The following ARHGEF33 variants were observed in gnomAD, a reference collection of about 807,000 sequenced individuals.
ARHGEF33 encodes Rho guanine nucleotide exchange factor 33, also known as DH and coiled-coil domain-containing protein ENSP00000381780.
In ARHGEF33, 72 loss-of-function variants were observed where a neutral mutation model predicts 101.9. The ratio of observed to expected loss-of-function variants is 0.71; its 90% CI spans 0.58 to 0.86. ARHGEF33 has a LOEUF of 0.86. Ranked by LOEUF, ARHGEF33 falls within the 40% of genes least tolerant of loss-of-function variation. The pLI, the probability that ARHGEF33 is intolerant of heterozygous loss-of-function variation, is 0.00. For missense variants in ARHGEF33, 1,169 were observed against 1,111.3 expected (o/e 1.05, Z -0.74); for synonymous variants, 499 against 442.5 (o/e 1.13, Z -1.60).
intron 2 of ARHGEF33, among the ~76,000 whole-genome samples, chr2:38,910,756 G>T (rs1666491680): frequency 6.6e-6 from 1 of 151,942 alleles, no homozygotes. Flanking sequence ...TTTCTTCCTT[G>T]TATCAGTCCA....
chr2:38,898,344 A>G (rs982799298), intron 2 of ARHGEF33, among the ~76,000 whole-genome samples: 17 of 152,228 alleles, frequency 1.1e-4, no homozygotes, highest in African/African-American at 3.9e-4. Context: ...TGGGCAGCAC[A>G]TTGACTCCTT....
At chr2:38,951,523 T>C (rs990635818) in intron 11 of ARHGEF33, among the ~76,000 whole-genome samples, 7 of 151,998 alleles carry the variant, frequency 4.6e-5, no homozygotes, top group Admixed American at 1.3e-4. Context: ...TCCCAACACT[T>C]TGGGAGGCTG....
intron 10 of ARHGEF33, among the ~76,000 whole-genome samples, chr2:38,945,539 C>T (rs542691483): frequency 1.7e-4 from 26 of 152,344 alleles, no homozygotes; most frequent in Admixed American, 4.6e-4. Flanking sequence ...CCTTCCAGTT[C>T]CCCCTCCTTG....
intron 7 of ARHGEF33, among the ~76,000 whole-genome samples, chr2:38,934,289 C>A (rs1028812708): frequency 1.3e-5 from 2 of 152,172 alleles, no homozygotes; most frequent in Admixed American, 1.3e-4. Context: ...TTCCTCATCA[C>A]CCTCAGAATA....
Position 38,954,437 on chromosome 2 carries a change from A to C in ARHGEF33, c.1202A>C (p.Glu401Ala). The C allele has an allele frequency of 6.5e-7, 1 of 1,550,168 alleles. No individual in the cohort carries two copies. The change falls in exon 13 of 18, where the codon GAA becomes GCA. Residue 401 changes from glutamate (E) to alanine (A), a missense_variant. Glu to Ala is a moderately radical substitution (Grantham distance 107). Coordinates refer to ENST00000409978, the MANE Select transcript of ARHGEF33 (RefSeq NM_001145451.5). ...TTTCACATAGTCCAGCGCATCCCTG[A>C]ATATCTGATACATCTGCAGGTAGGC... ...LFFHIVQRIP[E>A]YLIHLQNVLK... is the part of the protein sequence containing the mutation.
At chr2:38,931,727 G>A (rs1192944844) in intron 7 of ARHGEF33, among the ~76,000 whole-genome samples, 1 of 152,108 alleles carries the variant, frequency 6.6e-6, no homozygotes, top group Non-Finnish European at 1.5e-5. Flanking sequence ...CGAAGAAACT[G>A]GCTTTCCAGT....
intron 2 of ARHGEF33, among the ~76,000 whole-genome samples, chr2:38,911,716 G>A (rs994864437): frequency 1.3e-5 from 2 of 152,010 alleles, no homozygotes; most frequent in African/African-American, 2.4e-5. Flanking sequence ...GATCTTCAAA[G>A]GAAATCCTTC....
At position 38,895,784 on chromosome 2, in the gene ARHGEF33, A is replaced by T. The variant is rs1374020353; in HGVS notation, c.-151A>T. The T allele has an allele frequency of 1.3e-5, 2 of 151,084 alleles. No individual in the cohort carries two copies. The highest frequency in any genetic ancestry group is 2.4e-5 in the African/African-American group (1 of 40,856). 9.4% of individuals were successfully genotyped at this position (151,084 alleles called of 1,614,324 possible). A position where few individuals can be genotyped will look rare whatever the true frequency, so the allele number is the denominator to read the frequency against. On this transcript the variant is annotated 5_prime_UTR_variant, in exon 2 of 18. The change creates a premature stop within an existing upstream ORF in the 5' untranslated region. Coordinates refer to ENST00000409978, the MANE Select transcript of ARHGEF33 (RefSeq NM_001145451.5). ...TTTTTTTTTTTTTTACAGAACTTCT[A>T]GAGAAAACAAGAAGAAGACTTCAAA...
At position 38,937,352 on chromosome 2, in the gene ARHGEF33, C is replaced by G. The variant is rs1423894689; in HGVS notation, c.583C>G (p.Pro195Ala). 8.6e-7 allele frequency: 1 copy of G among 1,161,666 alleles called. No homozygotes were observed. Among genetic ancestry groups the G allele is most frequent in the Non-Finnish European group, 1.2e-6 (1 of 865,306 alleles). The allele number at this position is 1,161,666 out of a possible 1,614,324, so 72.0% of individuals were successfully genotyped here. ...CCCACCAGGAGTGAACCCAACAACTCCAGAAGCAGAAGAAAACCTCAAGTC... is the reference window on the plus strand; with the variant it reads ...CCCACCAGGAGTGAACCCAACAACTGCAGAAGCAGAAGAAAACCTCAAGTC... The part of the protein sequence containing the change: ...MMGPGVNPTT[P>A]EAEENLKSCL... The change falls in exon 9 of 18, where the codon CCA becomes GCA. Residue 195 changes from proline to alanine, a missense_variant. Pro to Ala is a conservative substitution (Grantham distance 27). Transcript: ENST00000409978.
At chr2:38,910,826 G>A (rs1666493182) in intron 2 of ARHGEF33, among the ~76,000 whole-genome samples, 1 of 152,066 alleles carries the variant, frequency 6.6e-6, no homozygotes, top group Non-Finnish European at 1.5e-5. Flanking sequence ...CCTTTTTTTA[G>A]TGACAATGGT....
chr2:38,973,259 C>G (rs1391638502), intron 17 of ARHGEF33: 2 of 152,844 alleles, frequency 1.3e-5, no homozygotes, highest in Non-Finnish European at 1.5e-5. Flanking sequence ...TTCAATAAAT[C>G]TTTCATTTAA....
At chr2:38,948,106 A>AT (rs910388857) in intron 10 of ARHGEF33, among the ~76,000 whole-genome samples, 1 of 152,022 alleles carries the variant, frequency 6.6e-6, no homozygotes, top group Non-Finnish European at 1.5e-5. Flanking sequence ...AAAAAAAAAA[A>AT]GCTGAGCTCT....
At chr2:38,960,670 AC>A in intron 16 of ARHGEF33, 22 bp downstream of exon 16, 2 of 1,378,344 alleles carry the variant, frequency 1.5e-6, no homozygotes, top group South Asian at 1.3e-5. Flanking sequence ...CCGAACCGAA[AC>A]CCACAGCGTC....
intron 2 of ARHGEF33, among the ~76,000 whole-genome samples, chr2:38,917,603 G>A (rs1051037438): frequency 6.6e-6 from 1 of 151,996 alleles, no homozygotes; most frequent in East Asian, 1.9e-4. Flanking sequence ...ACCGAGGAGG[G>A]GAGTCGCTTG....
At chr2:38,927,525 G>A (rs7571935) in intron 4 of ARHGEF33, among the ~76,000 whole-genome samples, 12,040 of 152,124 alleles carry the variant, frequency 0.079, 1,444 homozygotes, top group African/African-American at 0.25. Context: ...GTGAAACTCC[G>A]TCTCTACTAA....
At chr2:38,911,349 C>A (rs1666505749) in intron 2 of ARHGEF33, among the ~76,000 whole-genome samples, 1 of 152,140 alleles carries the variant, frequency 6.6e-6, no homozygotes, top group African/African-American at 2.4e-5. Flanking sequence ...GCACTAAAGA[C>A]CCATTCAATA....
chr2:38,973,681 A>G, intron 17 of ARHGEF33, 33 bp from the exon 18 acceptor site: 1 of 1,479,086 alleles, frequency 6.8e-7, no homozygotes, highest in Non-Finnish European at 9.0e-7. Flanking sequence ...AAACCAAATC[A>G]ACCTGTACTT....
chr2:38,920,192 T>G (rs909578011), intron 3 of ARHGEF33, among the ~76,000 whole-genome samples: 1 of 152,176 alleles, frequency 6.6e-6, no homozygotes, highest in Non-Finnish European at 1.5e-5. Context: ...ACCAAATGTT[T>G]GCAACCAGGG....
At chr2:38,893,744 A>G (rs1014246288) in intron 1 of ARHGEF33, among the ~76,000 whole-genome samples, 1 of 152,190 alleles carries the variant, frequency 6.6e-6, no homozygotes, top group Non-Finnish European at 1.5e-5. Flanking sequence ...CTTATTAAAT[A>G]CTTGTTGAAT....
Sources: gnomAD v4.1 joint callset for allele counts (sites outside exome capture counted in the v4.1 genomes callset) on GRCh38, gnomAD v4.1.1 for gene constraint, MANE v1.5 for transcripts, NCBI Gene and HGNC (gene_info 2026-07-23, HGNC 2026-07-21) for gene names.